ABCD3: variants seen among roughly 807,000 people sequenced by gnomAD.
ABCD3 encodes the protein ATP-binding cassette sub-family D member 3.
A neutral mutation model predicts 105.5 loss-of-function variants in ABCD3; 41 were observed. The observed-to-expected ratio is 0.39, with a 90% confidence interval of 0.30 to 0.50. The LOEUF is 0.50. Ranked by LOEUF, ABCD3 falls within the 20% of genes least tolerant of loss-of-function variation. The pLI is 0.84. For synonymous variants in ABCD3, 258 were observed against 269.0 expected, an observed-to-expected ratio of 0.96 and a Z score of 0.40; for missense variants, 622 against 806.3, an observed-to-expected ratio of 0.77 and a Z score of 2.77.
chr1:94,396,832 A>T, the ABCD3 span, among the ~76,000 whole-genome samples: 13 of 152,290 alleles, frequency 8.5e-5, no homozygotes, highest in South Asian at 2.7e-3. Flanking sequence ...CCGGAGGGTT[A>T]TTTAAAGATA....
chr1:94,452,952 G>C (rs1254857873), intron 1 of ABCD3, among the ~76,000 whole-genome samples: 1 of 152,102 alleles, frequency 6.6e-6, no homozygotes, highest in Non-Finnish European at 1.5e-5. Context: ...TGGCCAGGCT[G>C]TTCTTGAACT....
intron 16 of ABCD3, among the ~76,000 whole-genome samples, chr1:94,497,056 C>T (rs940136307): frequency 2.0e-4 from 30 of 152,108 alleles, no homozygotes; most frequent in Admixed American, 6.6e-5. Flanking sequence ...TTCACCCCTT[C>T]TTTCAAAGTT....
chr1:94,456,802 T>C (rs763118558), intron 1 of ABCD3, among the ~76,000 whole-genome samples: 4 of 152,178 alleles, frequency 2.6e-5, no homozygotes, highest in Non-Finnish European at 4.4e-5. Context: ...AGTTATGTTT[T>C]AATTTTTTGA....
rs1031064011 is a variant in ABCD3 at position 94,480,486 on chromosome 1, A to G, written c.707A>G (p.Tyr236Cys). ...TAGGGCCCAGCGAGCATGATGGCCT[A>G]CTTGGTTGTTTCTGGGCTATTCCTA... The part of the protein sequence containing the change: ...GAQGPASMMA[Y>C]LVVSGLFLTR... The change falls in exon 9 of 23, where the codon TAC becomes TGC. Residue 236 changes from tyrosine to cysteine, a missense_variant. This residue lies in a region of ABCD3 where 245 missense variants were observed against 356.4 expected (regional missense o/e 0.69). Coordinates refer to ENST00000370214, the MANE Select transcript of ABCD3 (RefSeq NM_002858.4). 1.9e-6 allele frequency: 3 copies of G among 1,613,766 alleles called. No individual in the cohort carries two copies. Among genetic ancestry groups the G allele is most frequent in the Admixed American group, 1.7e-5 (1 of 59,974 alleles).
intron 1 of ABCD3, 112 bp from the exon 2 acceptor site, chr1:94,458,495 A>G: frequency 1.0e-6 from 1 of 970,520 alleles, no homozygotes; most frequent in East Asian, 2.5e-5. Context: ...CTATGATGTG[A>G]AAAAGAAGAA....
chr1:94,483,126 A>G, intron 9 of ABCD3, 44 bp from the exon 10 acceptor site: 1 of 1,240,834 alleles, frequency 8.1e-7, no homozygotes, highest in South Asian at 1.2e-5. Context: ...TTTTCCAAGC[A>G]TAGGTAACAT....
At chr1:94,428,191 G>A (rs891012931) in intron 1 of ABCD3, among the ~76,000 whole-genome samples, 19 of 151,608 alleles carry the variant, frequency 1.3e-4, no homozygotes, top group African/African-American at 3.9e-4. Context: ...ATGCAGTTAA[G>A]TTAATAAAGT....
intron 20 of ABCD3, among the ~76,000 whole-genome samples, chr1:94,504,599 G>A (rs766044686): frequency 1.4e-4 from 21 of 152,160 alleles, no homozygotes; most frequent in Non-Finnish European, 3.1e-4. Flanking sequence ...GAGAGGAGGC[G>A]GTGTTGGCTA....
rs900817818 is a variant in ABCD3 at position 94,465,780 on chromosome 1, C to A, written c.246+907C>A. 7.2e-5 allele frequency among the ~76,000 whole-genome samples: 11 copies of A among 152,146 alleles called. No individual in the cohort carries two copies. In the East Asian group the frequency reaches 1.9e-3, roughly 27 times the overall value. On this transcript the variant is annotated intron_variant, in intron 3 of 22. Transcript: ENST00000370214. ...TTTGCTTTTTTATCAAGATTATCTT[C>A]ATTATTTGATAAACATTTTTAATGA... is the stretch of plus-strand genomic sequence containing the variant.
rs186666138 is a variant in ABCD3 at position 94,424,795 on chromosome 1, A to G, written c.110+6207A>G. ...AGCACTTATCACTATAAAATATGCT[A>G]TATATTTTACATATTTATCTTGTCT... On this transcript the variant is annotated intron_variant, in intron 1 of 22. Coordinates refer to ENST00000370214, the MANE Select transcript of ABCD3 (RefSeq NM_002858.4). Among the ~76,000 whole-genome samples the G allele has an allele frequency of 1.1e-3, 171 of 152,304 alleles. 1 individual carries two copies. The highest frequency in any genetic ancestry group is 0.01 in the South Asian group (49 of 4,826).
intron 1 of ABCD3, 161 bp downstream of exon 1, chr1:94,418,749 A>G (rs897290629): frequency 1.7e-5 from 12 of 695,980 alleles, no homozygotes; most frequent in African/African-American, 3.6e-5. Flanking sequence ...GGTGTCCGCG[A>G]GTCCCCGCCA....
At chr1:94,480,396 T>G (rs1229767640) in intron 8 of ABCD3, 68 bp from the exon 9 acceptor site, 4 of 1,584,250 alleles carry the variant, frequency 2.5e-6, no homozygotes, top group Non-Finnish European at 3.5e-6. Flanking sequence ...ATTGTACATG[T>G]TTGTATCTAA....
Position 94,517,207 on chromosome 1 carries a change from A to T in ABCD3, c.*78A>T. 1 of 1,114,984 alleles carries T rather than the reference A, an allele frequency of 9.0e-7. No individual in the cohort carries two copies. The allele number at this position is 1,114,984 out of a possible 1,614,324, so 69.1% of individuals were successfully genotyped here. A position where few individuals can be genotyped will look rare whatever the true frequency, so the allele number is the denominator to read the frequency against. On this transcript the variant is annotated 3_prime_UTR_variant, in exon 23 of 23. Transcript: ENST00000370214. ...AGAAAGGCAAAGTACATTGTAAAAT[A>T]AAGTTGAGCTTAGTTTTTTTTAAAA...
At chr1:94,453,017 G>T (rs370948110) in intron 1 of ABCD3, among the ~76,000 whole-genome samples, 1 of 152,110 alleles carries the variant, frequency 6.6e-6, no homozygotes, top group Non-Finnish European at 1.5e-5. Context: ...GGATCCACCC[G>T]TCTGGCCTTC....
chr1:94,489,294 C>T (rs1021204983), intron 13 of ABCD3, among the ~76,000 whole-genome samples: 1 of 151,994 alleles, frequency 6.6e-6, no homozygotes, highest in African/African-American at 2.4e-5. Flanking sequence ...AGCATGCATT[C>T]GGCATACATT....
At chr1:94,420,700 C>T (rs548622411) in intron 1 of ABCD3, among the ~76,000 whole-genome samples, 31 of 152,174 alleles carry the variant, frequency 2.0e-4, no homozygotes, top group Middle Eastern at 3.4e-3. Context: ...ATTGTACTTC[C>T]AGAAGCTTAC....
intron 16 of ABCD3, among the ~76,000 whole-genome samples, chr1:94,493,140 A>AC (rs1392752767): frequency 6.3e-4 from 96 of 151,892 alleles, no homozygotes; most frequent in Middle Eastern, 6.8e-3. Flanking sequence ...AAAAGAAACT[A>AC]CCATCAGAGT....
intron 1 of ABCD3, among the ~76,000 whole-genome samples, chr1:94,450,065 C>A (rs1449267967): frequency 6.6e-6 from 1 of 152,202 alleles, no homozygotes; most frequent in Non-Finnish European, 1.5e-5. Context: ...GCACACCTGA[C>A]CTTAATGCCA....
intron 1 of ABCD3, among the ~76,000 whole-genome samples, chr1:94,441,421 C>T (rs972864811): frequency 5.3e-5 from 8 of 152,066 alleles, no homozygotes; most frequent in African/African-American, 1.9e-4. Flanking sequence ...TGCAGAGGTG[C>T]AGCCTTTGTG....
Sources: allele counts gnomAD v4.1 joint callset (sites outside exome capture counted in the v4.1 genomes callset), GRCh38; gene constraint gnomAD v4.1.1; regional missense constraint gnomAD v4.1.1; transcripts MANE v1.5; gene names NCBI Gene and HGNC (gene_info 2026-07-23, HGNC 2026-07-21).